Variants in RPH3A observed in about 807,000 individuals in gnomAD.
RPH3A encodes rabphilin-3A.
A neutral mutation model predicts 102.2 loss-of-function variants in RPH3A; 48 were observed. The observed-to-expected ratio is 0.47, with a 90% CI of 0.37 to 0.60. The LOEUF (loss-of-function observed/expected upper bound fraction) is 0.60, where lower values mean the gene tolerates loss of function less well. Among genes scored for constraint, RPH3A ranks in the 20% least tolerant of loss-of-function variants. RPH3A has a pLI of 0.00. For synonymous variants in RPH3A, 310 were observed against 324.3 expected (o/e 0.96, Z 0.47); for missense variants, 781 against 910.1 (o/e 0.86, Z 1.83).
chr12:112,833,283 T>G (rs2041998023), intron 3 of RPH3A, among the ~76,000 whole-genome samples: 1 of 152,244 alleles, frequency 6.6e-6, no homozygotes, highest in South Asian at 2.1e-4. Flanking sequence ...GCTCTTCGTT[T>G]AGTCCCATCA....
At chr12:112,679,320 A>T (rs1487267691) in intron 1 of RPH3A, among the ~76,000 whole-genome samples, 1 of 151,790 alleles carries the variant, frequency 6.6e-6, no homozygotes, top group East Asian at 1.9e-4. Flanking sequence ...GGCCCAGCTA[A>T]TTTTTTGTAT....
intron 2 of RPH3A, among the ~76,000 whole-genome samples, chr12:112,826,963 T>C (rs1321356226): frequency 1.3e-5 from 2 of 152,178 alleles, no homozygotes; most frequent in African/African-American, 4.8e-5. Context: ...ATTTCTCAGG[T>C]ATATACCTGA....
At chr12:112,830,613 C>T (rs2041954412) in intron 3 of RPH3A, among the ~76,000 whole-genome samples, 1 of 152,140 alleles carries the variant, frequency 6.6e-6, no homozygotes, top group African/African-American at 2.4e-5. Flanking sequence ...CTCCTTCAAT[C>T]ACCATGGATC....
intron 2 of RPH3A, among the ~76,000 whole-genome samples, chr12:112,800,957 A>G (rs2041337448): frequency 6.6e-6 from 1 of 152,180 alleles, no homozygotes; most frequent in Non-Finnish European, 1.5e-5. Flanking sequence ...CCCCGGAAGA[A>G]AAGGCAGCAG....
chr12:112,645,954 C>T (rs1394660855), intron 1 of RPH3A, among the ~76,000 whole-genome samples: 3 of 152,024 alleles, frequency 2.0e-5, no homozygotes, highest in East Asian at 1.9e-4. Flanking sequence ...GCACTCTGGT[C>T]GATTTTCATA....
intron 1 of RPH3A, among the ~76,000 whole-genome samples, chr12:112,663,264 C>G (rs953050022): frequency 6.6e-6 from 1 of 152,020 alleles, no homozygotes; most frequent in Non-Finnish European, 1.5e-5. Flanking sequence ...GGTTGGAGTA[C>G]AGTGGAGCAA....
chr12:112,831,756 C>T (rs768021448), intron 3 of RPH3A: 49 of 455,716 alleles, frequency 1.1e-4, no homozygotes, highest in African/African-American at 2.2e-4. Flanking sequence ...TTGCAGCATT[C>T]TAGGTGGACT....
At chr12:112,701,849 T>G (rs1173329793) in intron 1 of RPH3A, among the ~76,000 whole-genome samples, 4 of 152,228 alleles carry the variant, frequency 2.6e-5, no homozygotes, top group Non-Finnish European at 4.4e-5. Context: ...AACCAGAAAC[T>G]TACAGCAGGG....
At chr12:112,805,756 G>A (rs893650582) in intron 2 of RPH3A, among the ~76,000 whole-genome samples, 1 of 152,192 alleles carries the variant, frequency 6.6e-6, no homozygotes, top group African/African-American at 2.4e-5. Context: ...TAATTCAGAA[G>A]TGAATGTCTA....
rs555272037 is a variant in RPH3A at position 112,747,382 on chromosome 12, C to A, written c.-139-44761C>A. 1.9e-4 allele frequency among the ~76,000 whole-genome samples: 29 copies of A among 152,306 alleles called. No homozygotes were observed. The East Asian group carries it at 5.2e-3, about 27-fold the overall frequency. On this transcript the variant is annotated intron_variant, in intron 1 of 21. Transcript: ENST00000543106. ...CAGGAAGTGGGTCCTCATCAGACAT[C>A]AAATCTGCTGGTGCTTTGATCTTGG...
chr12:112,629,377 T>G (rs1049989663), intron 1 of RPH3A, among the ~76,000 whole-genome samples: 1 of 140,598 alleles, frequency 7.1e-6, no homozygotes, highest in Non-Finnish European at 1.5e-5. Context: ...CTTTGAACAA[T>G]TAGCTGCTGA....
At chr12:112,724,467 C>T (rs111552874) in intron 1 of RPH3A, among the ~76,000 whole-genome samples, 1,550 of 152,216 alleles carry the variant, frequency 0.01, 22 homozygotes, top group African/African-American at 0.035. Context: ...AAAAGTCATG[C>T]ATAAATGAAC....
chr12:112,782,454 G>C (rs530444535), intron 1 of RPH3A, among the ~76,000 whole-genome samples: 2 of 152,364 alleles, frequency 1.3e-5, no homozygotes, highest in African/African-American at 4.8e-5. Context: ...TCTCCTTGGA[G>C]GAAGTGACCT....
At chr12:112,615,223 G>T (rs1449214658) in intron 1 of RPH3A, among the ~76,000 whole-genome samples, 6 of 151,786 alleles carry the variant, frequency 4.0e-5, no homozygotes, top group East Asian at 1.9e-4. Flanking sequence ...TTTTTTTTCT[G>T]TTAGAAGCTT....
chr12:112,662,289 T>G (rs1299907317), intron 1 of RPH3A, among the ~76,000 whole-genome samples: 1 of 152,206 alleles, frequency 6.6e-6, no homozygotes, highest in Non-Finnish European at 1.5e-5. Context: ...CTTCTCCAAT[T>G]AAGTCTAACT....
chr12:112,777,964 A>C (rs920187835), intron 1 of RPH3A, among the ~76,000 whole-genome samples: 1 of 152,236 alleles, frequency 6.6e-6, no homozygotes, highest in Non-Finnish European at 1.5e-5. Flanking sequence ...TGGTGAATGC[A>C]TAGGCCTGAC....
chr12:112,663,275 T>C (rs1231869362), intron 1 of RPH3A, among the ~76,000 whole-genome samples: 1 of 152,052 alleles, frequency 6.6e-6, no homozygotes, highest in Non-Finnish European at 1.5e-5. Context: ...AGTGGAGCAA[T>C]CTTGGCTCAC....
intron 2 of RPH3A, among the ~76,000 whole-genome samples, chr12:112,796,549 CA>C (rs1565885540): frequency 1.3e-5 from 2 of 152,328 alleles, no homozygotes; most frequent in Admixed American, 1.3e-4. Flanking sequence ...GGCCTGCATA[CA>C]GTAGGTGCTC....
intron 2 of RPH3A, among the ~76,000 whole-genome samples, chr12:112,821,767 C>T (rs1256287461): frequency 6.6e-6 from 1 of 152,212 alleles, no homozygotes; most frequent in African/African-American, 2.4e-5. Context: ...GTCTTCCCTA[C>T]TAGAAGGTAT....
Sources: gnomAD v4.1 joint callset for allele counts (sites outside exome capture counted in the v4.1 genomes callset) on GRCh38, gnomAD v4.1.1 for gene constraint, MANE v1.5 for transcripts, NCBI Gene and HGNC (gene_info 2026-07-23, HGNC 2026-07-21) for gene names.